DUS2: variants seen among roughly 807,000 people sequenced by gnomAD.
DUS2 encodes tRNA-dihydrouridine(20) synthase [NAD(P)+]-like.
In DUS2, 52 loss-of-function variants were observed where a neutral mutation model predicts 71.3. That is an observed-to-expected ratio of 0.73 (90% CI 0.58 to 0.92). The LOEUF (loss-of-function observed/expected upper bound fraction) is 0.92. DUS2 is among the 40% of genes least tolerant of loss of function. The probability of loss-of-function intolerance (pLI) is 0.00; values close to 1 mark genes in which losing one functional copy is unlikely to be tolerated. For synonymous variants in DUS2, 204 were observed against 227.8 expected, an observed-to-expected ratio of 0.90 and a Z score of 0.94; for missense variants, 558 against 622.6, an observed-to-expected ratio of 0.90 and a Z score of 1.10.
chr16:68,056,328 A>C (rs773379916), intron 6 of DUS2, 36 bp from the exon 7 acceptor site: 1 of 1,591,300 alleles, frequency 6.3e-7, no homozygotes. Flanking sequence ...GCTCTAATTC[A>C]ATACTTATTA....
At chr16:68,057,247 T>G (rs8182201) in intron 7 of DUS2, among the ~76,000 whole-genome samples, 39,063 of 141,130 alleles carry the variant, frequency 0.28, 6,205 homozygotes, top group African/African-American at 0.45. Flanking sequence ...TATATATATA[T>G]AGAGAGAGAG....
Position 68,076,729 on chromosome 16 carries a change from T to C in DUS2, c.1170+10T>C. On this transcript the variant is annotated intron_variant, in intron 15 of 16. Transcript: ENST00000565263. Reference sequence around the variant, plus strand: ...GCCTGTGTATGAAACGGTGAGTTCCTGGCTGTGGCCTGCCCTGCAGCCAGT... The same window carrying C: ...GCCTGTGTATGAAACGGTGAGTTCCCGGCTGTGGCCTGCCCTGCAGCCAGT... 6.2e-7 allele frequency: 1 copy of C among 1,612,152 alleles called. No homozygotes were observed. Among genetic ancestry groups the C allele is most frequent in the East Asian group, 2.2e-5 (1 of 44,840 alleles).
chr16:68,035,915 TATATATATATATATAC>T (rs1425090613), intron 2 of DUS2, among the ~76,000 whole-genome samples: 57 of 107,332 alleles, frequency 5.3e-4, no homozygotes, highest in African/African-American at 1.8e-3. Flanking sequence ...TATATATATA[TATATATATATATATAC>T]ACACATACAT....
chr16:68,059,223 GA>G (rs201425277), intron 7 of DUS2, among the ~76,000 whole-genome samples: 14 of 146,708 alleles, frequency 9.5e-5, no homozygotes, highest in South Asian at 4.3e-4. Flanking sequence ...AGAAACAAAA[GA>G]AAAAAAAAAG....
chr16:68,040,533 G>C (rs1380717507), intron 3 of DUS2, among the ~76,000 whole-genome samples: 1 of 152,180 alleles, frequency 6.6e-6, no homozygotes, highest in African/African-American at 2.4e-5. Context: ...ATGGAGCAGA[G>C]GAAATATGAA....
chr16:68,076,802 G>C, intron 15 of DUS2, 83 bp downstream of exon 15: 2 of 1,286,662 alleles, frequency 1.6e-6, no homozygotes, highest in Non-Finnish European at 2.2e-6. Context: ...TGCCAGGCTG[G>C]AGCCTGGCCT....
chr16:68,050,719 C>T (rs2033767606), intron 4 of DUS2, among the ~76,000 whole-genome samples: 1 of 152,148 alleles, frequency 6.6e-6, no homozygotes, highest in African/African-American at 2.4e-5. Context: ...CTCCCCACCC[C>T]ATTTGATCAT....
chr16:68,047,783 G>GT (rs36087080), intron 3 of DUS2, among the ~76,000 whole-genome samples: 220 of 137,614 alleles, frequency 1.6e-3, no homozygotes, highest in East Asian at 5.8e-3. Flanking sequence ...GTGCTGGCGT[G>GT]TTTTTTTTTT....
chr16:68,023,339 G>A lies in DUS2; in HGVS notation c.-111G>A. On this transcript the variant is annotated 5_prime_UTR_variant, in exon 1 of 17. Coordinates refer to ENST00000565263, the MANE Select transcript of DUS2 (RefSeq NM_017803.5). The stretch of plus-strand genomic sequence containing the variant: ...GGAAGAAGCGAGGTTCTTTTTAAGA[G>A]TTCAGCTGCGAGGTCTGTAGCTCCG... 9.2e-7 allele frequency: 1 copy of A among 1,088,252 alleles called. No homozygotes were observed. Among genetic ancestry groups the A allele is most frequent in the Non-Finnish European group, 1.3e-6 (1 of 770,888 alleles). 67.4% of individuals were successfully genotyped at this position (1,088,252 alleles called of 1,614,324 possible). A position where few individuals can be genotyped will look rare whatever the true frequency, so the allele number is the denominator to read the frequency against.
chr16:68,056,338 A>G (rs540502826), intron 6 of DUS2, 26 bp from the exon 7 acceptor site: 1 of 1,605,972 alleles, frequency 6.2e-7, no homozygotes, highest in Admixed American at 1.7e-5. Context: ...AATACTTATT[A>G]CCTTTACTCC....
chr16:68,049,320 C>T (rs896962618), intron 3 of DUS2, among the ~76,000 whole-genome samples, 185 bp from the exon 4 acceptor site: 1 of 152,162 alleles, frequency 6.6e-6, no homozygotes, highest in African/African-American at 2.4e-5. Context: ...TTGAGAGTAG[C>T]TCACTCTGGC....
At chr16:68,065,890 C>T (rs1442572321) in intron 8 of DUS2, among the ~76,000 whole-genome samples, 2 of 151,772 alleles carry the variant, frequency 1.3e-5, no homozygotes, top group Non-Finnish European at 2.9e-5. Context: ...TGGGCAGAGC[C>T]TTTTGAAAAC....
intron 7 of DUS2, among the ~76,000 whole-genome samples, chr16:68,058,227 CT>C (rs112592553): frequency 2.0e-3 from 285 of 139,338 alleles, no homozygotes; most frequent in Admixed American, 2.2e-3. Context: ...TATCTTTGGG[CT>C]TTTTTTTTTT....
chr16:68,057,052 A>T (rs1285074249), intron 7 of DUS2, among the ~76,000 whole-genome samples: 1 of 137,996 alleles, frequency 7.2e-6, no homozygotes. Flanking sequence ...ATATATTTAT[A>T]TATATATGTA....
intron 8 of DUS2, among the ~76,000 whole-genome samples, chr16:68,064,890 T>G (rs2033985014): frequency 6.6e-6 from 1 of 152,220 alleles, no homozygotes; most frequent in African/African-American, 2.4e-5. Flanking sequence ...CCTGGCTCTC[T>G]GCTGCCCCCG....
intron 2 of DUS2, among the ~76,000 whole-genome samples, chr16:68,026,737 A>G (rs1314697443): frequency 6.6e-6 from 1 of 152,026 alleles, no homozygotes; most frequent in Non-Finnish European, 1.5e-5. Flanking sequence ...TTAGCTGAGC[A>G]TGGTGGCAGG....
At chr16:68,055,153 G>A (rs1598310087) in intron 6 of DUS2, among the ~76,000 whole-genome samples, 1 of 152,108 alleles carries the variant, frequency 6.6e-6, no homozygotes, top group East Asian at 1.9e-4. Context: ...CATATTGGGG[G>A]GAGCTGTTTT....
chr16:68,066,344 C>G lies in DUS2; in HGVS notation c.445C>G (p.Arg149Gly), dbSNP rs59111022. ...CCTCAGCACTCTTGTTAAAGGGACA[C>G]GCAGACCTGTGACCTGCAAGATTCG... ...KILSTLVKGT[R>G]RPVTCKIRIL... Residue 149 changes from arginine (R) to glycine (G), a missense_variant, in exon 9 of 17, where the codon CGC becomes GGC. Physicochemically the swap from Arg to Gly is moderately radical, Grantham distance 125. Transcript: ENST00000565263. The G allele has an allele frequency of 6.2e-7, 1 of 1,614,056 alleles. No individual in the cohort carries two copies. Among genetic ancestry groups the G allele is most frequent in the Non-Finnish European group, 8.5e-7 (1 of 1,180,018 alleles).
At position 68,079,146 on chromosome 16, in the gene DUS2, C is replaced by T. The variant is rs2034202800; in HGVS notation, c.*160C>T. On this transcript the variant is annotated 3_prime_UTR_variant, in exon 17 of 17. Transcript: ENST00000565263. ...TCAGCCTAGAGCATGGACCAGGGGCCGCCCAGGGGTGGATCCTGGCCCCTT... is the reference window on the plus strand; with the variant it reads ...TCAGCCTAGAGCATGGACCAGGGGCTGCCCAGGGGTGGATCCTGGCCCCTT... The T allele has an allele frequency of 5.0e-6, 3 of 605,988 alleles. No homozygotes were observed. The highest frequency in any genetic ancestry group is 6.3e-5 in the South Asian group (2 of 31,572). 37.5% of individuals were successfully genotyped at this position (605,988 alleles called of 1,614,324 possible).
Sources: allele counts gnomAD v4.1 joint callset (sites outside exome capture counted in the v4.1 genomes callset), GRCh38; gene constraint gnomAD v4.1.1; transcripts MANE v1.5; gene names NCBI Gene and HGNC (gene_info 2026-07-23, HGNC 2026-07-21).